AFF2: variants seen among roughly 807,000 people sequenced by gnomAD.
AFF2 encodes ALF transcription elongation factor 2.
AFF2 carries 14 observed loss-of-function variants against 76.9 expected under a neutral mutation model. That is an observed-to-expected ratio of 0.18 (90% CI 0.12 to 0.28). The LOEUF is 0.28. AFF2 is among the 10% of genes least tolerant of loss of function. The pLI is 1.00. For synonymous variants in AFF2, 398 were observed against 366.7 expected (o/e 1.09, Z -0.98); for missense variants, 868 against 1,001.1 (o/e 0.87, Z 1.79).
intron 1 of AFF2, among the ~76,000 whole-genome samples, chrX:148,581,703 A>G (rs1194167399): frequency 9.2e-6 from 1 of 109,203 alleles, no homozygotes; most frequent in African/African-American, 3.3e-5. Context: ...TGTATACACA[A>G]ATACACTTTT....
intron 16 of AFF2, among the ~76,000 whole-genome samples, chrX:148,975,415 CAG>C (rs1313188224): frequency 2.7e-5 from 3 of 112,130 alleles, no homozygotes; most frequent in Non-Finnish European, 5.6e-5. Context: ...ACAACAATGA[CAG>C]AGACTATGCA....
At chrX:148,832,759 T>A (rs1397206351) in intron 4 of AFF2, among the ~76,000 whole-genome samples, 2 of 111,951 alleles carry the variant, frequency 1.8e-5, no homozygotes, top group African/African-American at 6.5e-5. Context: ...AAAGCCCACA[T>A]GTTGTAAGCA....
intron 7 of AFF2, among the ~76,000 whole-genome samples, chrX:148,864,151 A>G (rs1322589325): frequency 9.8e-5 from 11 of 111,793 alleles, no homozygotes; most frequent in African/African-American, 3.6e-4. Context: ...GAAGTGGCAT[A>G]ATCGTTGAAT....
chrX:148,655,748 A>T (rs1557256991), intron 2 of AFF2, among the ~76,000 whole-genome samples: 1 of 111,496 alleles, frequency 9.0e-6, no homozygotes, highest in Admixed American at 9.5e-5. Flanking sequence ...ACTAGAACTG[A>T]TGTTGCACCT....
intron 8 of AFF2, among the ~76,000 whole-genome samples, chrX:148,896,893 G>A (rs2071291369): frequency 9.1e-6 from 1 of 109,707 alleles, no homozygotes. Context: ...TGTGGTCCAA[G>A]AGACATTCTG....
intron 3 of AFF2, among the ~76,000 whole-genome samples, chrX:148,743,842 A>T (rs1307315215): frequency 9.0e-6 from 1 of 111,223 alleles, no homozygotes; most frequent in African/African-American, 3.3e-5. Context: ...TTCTGAATTG[A>T]TTATGGGAGT....
chrX:148,548,693 C>T (rs1557238482), intron 1 of AFF2, among the ~76,000 whole-genome samples: 2 of 112,018 alleles, frequency 1.8e-5, no homozygotes, highest in African/African-American at 6.5e-5. Flanking sequence ...CCTCAGCCTC[C>T]CAAAGTGCTG....
At chrX:148,508,295 A>G (rs991336664) in intron 1 of AFF2, among the ~76,000 whole-genome samples, 6 of 112,006 alleles carry the variant, frequency 5.4e-5, no homozygotes, top group Non-Finnish European at 1.1e-4. Flanking sequence ...TTATTAAACC[A>G]TTTTCCTGGA....
chrX:148,999,441 A>C lies in AFF2; in HGVS notation c.*8109A>C, dbSNP rs1557293893. 1 of 112,758 alleles carries C rather than the reference A, an allele frequency of 8.9e-6. No homozygotes were observed. The highest frequency in any genetic ancestry group is 2.8e-4 in the East Asian group (1 of 3,608). 9.3% of individuals were successfully genotyped at this position (112,758 alleles called of 1,213,427 possible). A position where few individuals can be genotyped will look rare whatever the true frequency, so the allele number is the denominator to read the frequency against. ...GAAATTTTGTATATTTAAGTGTCAT[A>C]GAAAATATTTATTGAGTAACTGGGA... is the stretch of plus-strand genomic sequence containing the variant. On this transcript the variant is annotated 3_prime_UTR_variant, in exon 21 of 21. Coordinates refer to ENST00000370460, the MANE Select transcript of AFF2 (RefSeq NM_002025.4).
chrX:148,587,637 T>C (rs962542243), intron 1 of AFF2, among the ~76,000 whole-genome samples: 1 of 111,994 alleles, frequency 8.9e-6, no homozygotes, highest in Admixed American at 9.5e-5. Context: ...ACGCTAAAGT[T>C]ACCTTTATCT....
At chrX:148,655,555 G>A (rs1201493419) in intron 2 of AFF2, among the ~76,000 whole-genome samples, 4 of 111,900 alleles carry the variant, frequency 3.6e-5, no homozygotes, top group Non-Finnish European at 7.5e-5. Context: ...GATTACAGGC[G>A]TGAGCCACTG....
chrX:148,715,437 CACAG>C (rs67138493), intron 3 of AFF2, among the ~76,000 whole-genome samples: 2,737 of 111,005 alleles, frequency 0.025, 81 homozygotes, highest in African/African-American at 0.083. Context: ...CGCTGGCACA[CACAG>C]ACATACACAC....
At chrX:148,581,160 TACAC>T (rs71820379) in intron 1 of AFF2, among the ~76,000 whole-genome samples, 2 of 81,582 alleles carry the variant, frequency 2.5e-5, no homozygotes, top group Non-Finnish European at 4.8e-5. Context: ...CATATACGTA[TACAC>T]ACATACATAT....
At chrX:148,934,012 G>A (rs782217603) in intron 9 of AFF2, among the ~76,000 whole-genome samples, 23 of 111,600 alleles carry the variant, frequency 2.1e-4, no homozygotes, top group Admixed American at 2.9e-4. Flanking sequence ...CAACTATGGC[G>A]CTTGTTAAGA....
At chrX:148,501,677 T>G in intron 1 of AFF2, among the ~76,000 whole-genome samples, 1 of 113,423 alleles carries the variant, frequency 8.8e-6, no homozygotes, top group Non-Finnish European at 1.9e-5. Context: ...TTCTGCCGAC[T>G]CAGCCCAAGT....
At chrX:148,665,479 A>G (rs935478277) in intron 3 of AFF2, among the ~76,000 whole-genome samples, 3 of 111,708 alleles carry the variant, frequency 2.7e-5, no homozygotes, top group Non-Finnish European at 5.6e-5. Context: ...ATTTGACAGA[A>G]GAGTAGAGAG....
At chrX:148,614,746 CTT>C (rs1557250042) in intron 1 of AFF2, among the ~76,000 whole-genome samples, 9 of 38,497 alleles carry the variant, frequency 2.3e-4, no homozygotes, top group Non-Finnish European at 3.8e-4. Context: ...TCTTTTCTTT[CTT>C]TCTTTCTTTC....
chrX:148,556,353 A>G (rs2053052506), intron 1 of AFF2, among the ~76,000 whole-genome samples: 1 of 111,915 alleles, frequency 8.9e-6, no homozygotes, highest in Admixed American at 9.5e-5. Context: ...GTACATTTAG[A>G]TTAATTATAG....
Position 148,562,183 on chromosome X carries a change from G to T in AFF2, c.47+61039G>T, listed in dbSNP as rs149941332. Among the ~76,000 whole-genome samples, 76 of 112,532 alleles carry T rather than the reference G, an allele frequency of 6.8e-4. No individual in the cohort carries two copies. The East Asian group carries it at 0.018, about 27-fold the overall frequency. ...CTGTCTACCTGATGTCAAATGACTG[G>T]TCTGACTGATTTCTTTTTAAACCAC... On this transcript the variant is annotated intron_variant, in intron 1 of 20. Coordinates refer to ENST00000370460, the MANE Select transcript of AFF2 (RefSeq NM_002025.4).
Sources: allele counts gnomAD v4.1 joint callset (sites outside exome capture counted in the v4.1 genomes callset), GRCh38; gene constraint gnomAD v4.1.1; transcripts MANE v1.5; gene names NCBI Gene and HGNC (gene_info 2026-07-23, HGNC 2026-07-21).